Variants in PKP4 observed in about 807,000 individuals in gnomAD.
PKP4 encodes the protein plakophilin 4.
In PKP4, 90 loss-of-function variants were observed where a neutral mutation model predicts 145.1. That is an observed-to-expected ratio of 0.62 (90% CI 0.52 to 0.74). PKP4 has a LOEUF of 0.74. PKP4 is among the 30% of genes least tolerant of loss of function. PKP4 has a pLI of 0.00. For synonymous variants in PKP4, 563 were observed against 577.2 expected, an observed-to-expected ratio of 0.98 and a Z score of 0.35; for missense variants, 1,340 against 1,482.7, an observed-to-expected ratio of 0.90 and a Z score of 1.58.
chr2:158,537,630 T>C (rs981308216), intron 2 of PKP4, among the ~76,000 whole-genome samples: 61 of 152,192 alleles, frequency 4.0e-4, no homozygotes, highest in African/African-American at 1.4e-3. Context: ...GAGTCCATGA[T>C]GAATACAGAT....
chr2:158,483,948 C>T (rs931575321), intron 1 of PKP4, among the ~76,000 whole-genome samples: 1 of 151,910 alleles, frequency 6.6e-6, no homozygotes, highest in Non-Finnish European at 1.5e-5. Flanking sequence ...TATTGCCAGC[C>T]TGACTAATGA....
chr2:158,488,342 G>T (rs892635638), intron 1 of PKP4, among the ~76,000 whole-genome samples: 1 of 152,106 alleles, frequency 6.6e-6, no homozygotes, highest in Non-Finnish European at 1.5e-5. Flanking sequence ...ACACTTTTCC[G>T]CATTTCCTTC....
intron 1 of PKP4, among the ~76,000 whole-genome samples, chr2:158,486,075 A>T (rs938906693): frequency 7.2e-5 from 11 of 152,174 alleles, no homozygotes; most frequent in Non-Finnish European, 1.0e-4. Context: ...ATGAAATTTG[A>T]TAAGGAAAAT....
chr2:158,481,547 C>T (rs1466956570), intron 1 of PKP4, among the ~76,000 whole-genome samples: 1 of 152,160 alleles, frequency 6.6e-6, no homozygotes, highest in African/African-American at 2.4e-5. Context: ...TTCTCACCAA[C>T]GCATGTTATT....
At chr2:158,654,214 G>A (rs919602343) in intron 11 of PKP4, among the ~76,000 whole-genome samples, 6 of 152,218 alleles carry the variant, frequency 3.9e-5, no homozygotes, top group Non-Finnish European at 8.8e-5. Flanking sequence ...ACATGGTGAA[G>A]TGCAGGATTA....
chr2:158,656,114 T>C (rs1242946163), intron 11 of PKP4, among the ~76,000 whole-genome samples: 2 of 152,174 alleles, frequency 1.3e-5, no homozygotes, highest in African/African-American at 2.4e-5. Context: ...GCATAGATAA[T>C]ATGAAGCTGC....
At chr2:158,554,574 C>T (rs1020734526) in intron 2 of PKP4, among the ~76,000 whole-genome samples, 12 of 151,778 alleles carry the variant, frequency 7.9e-5, no homozygotes, top group Admixed American at 5.2e-4. Context: ...TACAGGTGCC[C>T]GCCACCATGC....
intron 1 of PKP4, among the ~76,000 whole-genome samples, chr2:158,472,051 T>C (rs535266444): frequency 6.6e-6 from 1 of 152,284 alleles, no homozygotes; most frequent in Admixed American, 6.5e-5. Context: ...TTAAAGAATA[T>C]ATAATTAGTT....
chr2:158,552,442 A>C (rs2045713887), intron 2 of PKP4, among the ~76,000 whole-genome samples: 1 of 152,294 alleles, frequency 6.6e-6, no homozygotes, highest in South Asian at 2.1e-4. Flanking sequence ...AATACCTAAA[A>C]ATGTGGAATT....
intron 7 of PKP4, among the ~76,000 whole-genome samples, chr2:158,627,450 G>C (rs945612700): frequency 1.3e-5 from 2 of 151,920 alleles, no homozygotes; most frequent in Non-Finnish European, 1.5e-5. Flanking sequence ...TTATGTCTTG[G>C]GGGGAAAATA....
At chr2:158,572,137 A>G (rs1041350258) in intron 2 of PKP4, among the ~76,000 whole-genome samples, 1 of 152,196 alleles carries the variant, frequency 6.6e-6, no homozygotes, top group African/African-American at 2.4e-5. Flanking sequence ...AAAAGAACTA[A>G]TAAGAAGTCT....
chr2:158,498,675 GT>G (rs1696104937), intron 1 of PKP4, among the ~76,000 whole-genome samples: 2 of 152,342 alleles, frequency 1.3e-5, no homozygotes, highest in South Asian at 4.1e-4. Flanking sequence ...GTGTTAAACA[GT>G]GGAGATAGGT....
Position 158,676,780 on chromosome 2 carries a change from G to T in PKP4, c.3169G>T (p.Asp1057Tyr), listed in dbSNP as rs1280639031. The T allele has an allele frequency of 6.2e-7, 1 of 1,614,112 alleles. No homozygotes were observed. Among genetic ancestry groups the T allele is most frequent in the Middle Eastern group, 1.6e-4 (1 of 6,062 alleles). Residue 1057 changes from aspartate (D) to tyrosine (Y), a missense_variant, in exon 20 of 22, where the codon GAC becomes TAC. Coordinates refer to ENST00000389759, the MANE Select transcript of PKP4 (RefSeq NM_003628.6). ...CTCACCAGCACTGTTAGGAATCAGA[G>T]ACCCTCGCTCTGAATACGATAGGAC... ...SSSPALLGIR[D>Y]PRSEYDRTQP...
At chr2:158,559,757 G>A (rs960900089) in intron 2 of PKP4, among the ~76,000 whole-genome samples, 1 of 152,120 alleles carries the variant, frequency 6.6e-6, no homozygotes, top group Non-Finnish European at 1.5e-5. Flanking sequence ...CAAAGGAAAG[G>A]AATTTCTTAA....
At chr2:158,677,577 C>T (rs1344144055) in intron 20 of PKP4, among the ~76,000 whole-genome samples, 1 of 152,204 alleles carries the variant, frequency 6.6e-6, no homozygotes, top group Non-Finnish European at 1.5e-5. Flanking sequence ...ACAAAAAGTA[C>T]TCTTTTCTCA....
chr2:158,494,056 A>G (rs150170765), intron 1 of PKP4, among the ~76,000 whole-genome samples: 1 of 152,266 alleles, frequency 6.6e-6, no homozygotes, highest in Non-Finnish European at 1.5e-5. Flanking sequence ...GCCATGATAA[A>G]AGTTGGATCT....
chr2:158,516,943 G>A (rs1478955976), intron 1 of PKP4, among the ~76,000 whole-genome samples: 10 of 152,180 alleles, frequency 6.6e-5, no homozygotes. Flanking sequence ...GTACAGGCAT[G>A]AGCCACTGTG....
At chr2:158,620,772 A>AAAC (rs2052148954) in intron 4 of PKP4, among the ~76,000 whole-genome samples, 1 of 152,220 alleles carries the variant, frequency 6.6e-6, no homozygotes, top group African/African-American at 2.4e-5. Flanking sequence ...CAATCACAAC[A>AAAC]AACAACATTC....
At position 158,669,773 on chromosome 2, in the gene PKP4, A is replaced by G; in HGVS notation, c.2782A>G (p.Ser928Gly). 6.2e-7 allele frequency: 1 copy of G among 1,610,636 alleles called. No homozygotes were observed. The highest frequency in any genetic ancestry group is 8.5e-7 in the Non-Finnish European group (1 of 1,177,704). ...VNRLPGGNGP[S>G]VLSDETMAAI... ...CCGGCTCCCCGGCGGCAATGGCCCC[A>G]GTGTCTTGTCTGATGAGACCATGGC... is the stretch of plus-strand genomic sequence containing the variant. Residue 928 changes from serine (S) to glycine (G), a missense_variant, in exon 17 of 22, where the codon AGT becomes GGT. Ser to Gly is a moderately conservative substitution (Grantham distance 56). Transcript: ENST00000389759.
Sources: gnomAD v4.1 joint callset for allele counts (sites outside exome capture counted in the v4.1 genomes callset) on GRCh38, gnomAD v4.1.1 for gene constraint, MANE v1.5 for transcripts, NCBI Gene and HGNC (gene_info 2026-07-23, HGNC 2026-07-21) for gene names.